KSR2: variants seen among roughly 807,000 people sequenced by gnomAD.
KSR2 encodes the protein kinase suppressor of ras 2.
A neutral mutation model predicts 107.8 loss-of-function variants in KSR2; 25 were observed. The ratio of observed to expected loss-of-function variants is 0.23; its 90% confidence interval spans 0.17 to 0.32. The LOEUF is 0.32. Among genes scored for constraint, KSR2 ranks in the 10% least tolerant of loss-of-function variants. The probability of loss-of-function intolerance (pLI) is 1.00; values close to 1 mark genes in which losing one functional copy is unlikely to be tolerated. For missense variants in KSR2, 887 were observed against 1,268.9 expected (o/e 0.70, Z 4.57); for synonymous variants, 480 against 507.0 (o/e 0.95, Z 0.71).
chr12:117,912,460 C>T (rs914815401), intron 1 of KSR2, among the ~76,000 whole-genome samples: 1 of 152,118 alleles, frequency 6.6e-6, no homozygotes, highest in Admixed American at 6.6e-5. Flanking sequence ...AGTAAAGAAC[C>T]GTGTTATAAT....
chr12:117,582,164 G>A (rs1297961598), intron 6 of KSR2, 126 bp downstream of exon 6: 2 of 729,810 alleles, frequency 2.7e-6, no homozygotes, highest in East Asian at 2.6e-5. Context: ...GAGGAGAAAG[G>A]GACATGGTGA....
At chr12:117,960,102 C>T (rs1896618065) in intron 1 of KSR2, among the ~76,000 whole-genome samples, 1 of 151,932 alleles carries the variant, frequency 6.6e-6, no homozygotes, top group Non-Finnish European at 1.5e-5. Flanking sequence ...TGTTCCCATC[C>T]AAGAAGTTTG....
At chr12:117,616,175 A>AC (rs397715113) in intron 5 of KSR2, among the ~76,000 whole-genome samples, 19 of 151,510 alleles carry the variant, frequency 1.3e-4, no homozygotes, top group Non-Finnish European at 2.8e-4. Flanking sequence ...AAAAAAAAAA[A>AC]CAGATTTTAA....
chr12:117,517,549 G>A (rs1026515564), intron 14 of KSR2, among the ~76,000 whole-genome samples: 1 of 152,156 alleles, frequency 6.6e-6, no homozygotes, highest in African/African-American at 2.4e-5. Flanking sequence ...CAAATCCTCT[G>A]CTGCTCATAG....
At chr12:117,834,563 C>G (rs896015576) in intron 3 of KSR2, among the ~76,000 whole-genome samples, 2 of 152,134 alleles carry the variant, frequency 1.3e-5, no homozygotes, top group African/African-American at 4.8e-5. Flanking sequence ...CAGGAGGCAA[C>G]AGGAGAAGCC....
intron 5 of KSR2, among the ~76,000 whole-genome samples, chr12:117,625,233 CA>C (rs36133468): frequency 0.9 from 136,364 of 152,088 alleles, 61,294 homozygotes; most frequent in East Asian, 0.99. Context: ...GAACTTCCAA[CA>C]CTATGTTGAA....
At position 117,815,581 on chromosome 12, in the gene KSR2, G is replaced by T. The variant is rs115759931; in HGVS notation, c.472+39847C>A. Among the ~76,000 whole-genome samples, 233 of 152,236 alleles carry T rather than the reference G, an allele frequency of 1.5e-3. 1 individual carries two copies. Among genetic ancestry groups the T allele is most frequent in the African/African-American group, 5.3e-3 (222 of 41,528 alleles). ...AATCATTATCTTCACAGAGCTTCTA[G>T]ACCAAGAATGTGAGTATTAAGTAAA... is the stretch of plus-strand genomic sequence containing the variant. On this transcript the variant is annotated intron_variant, in intron 3 of 19. Coordinates refer to ENST00000339824, the MANE Select transcript of KSR2 (RefSeq NM_173598.6).
At chr12:117,608,806 G>A (rs1881430518) in intron 5 of KSR2, among the ~76,000 whole-genome samples, 1 of 152,026 alleles carries the variant, frequency 6.6e-6, no homozygotes, top group Non-Finnish European at 1.5e-5. Flanking sequence ...TGAACAGCAT[G>A]AGGCCTCTGC....
intron 1 of KSR2, among the ~76,000 whole-genome samples, chr12:117,888,356 C>G (rs1566068235): frequency 6.6e-6 from 1 of 152,146 alleles, no homozygotes. Context: ...TACTCTATGA[C>G]TCCACCTACA....
chr12:117,632,204 C>T (rs904776022), intron 5 of KSR2, among the ~76,000 whole-genome samples: 1 of 146,006 alleles, frequency 6.8e-6, no homozygotes, highest in African/African-American at 2.5e-5. Flanking sequence ...ATGCTTATGG[C>T]TCTAGTCCTA....
Position 117,471,160 on chromosome 12 carries a change from C to A in KSR2, c.2712+31G>T, listed in dbSNP as rs145464359. ...TGACTGTGTCTGTGTCTCCCCTCAT[C>A]CCCCAAGTCTGGACCTATCTTGGGA... On this transcript the variant is annotated intron_variant, in intron 18 of 19. Transcript: ENST00000339824. 2.5e-6 allele frequency: 4 copies of A among 1,610,244 alleles called. No homozygotes were observed. The African/African-American group carries it at 4.0e-5, about 16-fold the overall frequency.
rs575401580 is a variant in KSR2, at chr12:117,591,742, G to A, written c.1172-9383C>T. On this transcript the variant is annotated intron_variant, in intron 5 of 19. Coordinates refer to ENST00000339824, the MANE Select transcript of KSR2 (RefSeq NM_173598.6). The stretch of plus-strand genomic sequence containing the variant: ...AAAAAAAAATGATGCAGTGGCTCAC[G>A]TCCGTAATCCCAGCACTTTGGGAGG... Among the ~76,000 whole-genome samples the A allele has an allele frequency of 6.7e-4, 102 of 151,594 alleles. 1 individual carries two copies. The South Asian group carries it at 0.02, about 30-fold the overall frequency.
chr12:117,701,350 C>T (rs1199342973), intron 4 of KSR2, among the ~76,000 whole-genome samples: 1 of 152,164 alleles, frequency 6.6e-6, no homozygotes, highest in African/African-American at 2.4e-5. Flanking sequence ...GCCTCAGACT[C>T]GCAAAGTGCG....
At chr12:117,767,887 A>G (rs1415326574) in intron 3 of KSR2, among the ~76,000 whole-genome samples, 2 of 151,894 alleles carry the variant, frequency 1.3e-5, no homozygotes. Flanking sequence ...GCTGAGAACT[A>G]AGGGCCGGTG....
intron 1 of KSR2, among the ~76,000 whole-genome samples, chr12:117,939,944 AACACACAC>A (rs10561468): frequency 0.015 from 2,041 of 140,124 alleles, 17 homozygotes; most frequent in Non-Finnish European, 0.016. Flanking sequence ...CCATCTTAAA[AACACACAC>A]ACACACACAC....
At chr12:117,875,333 A>ATT (rs56091034) in intron 1 of KSR2, among the ~76,000 whole-genome samples, 3,543 of 137,980 alleles carry the variant, frequency 0.026, 110 homozygotes, top group African/African-American at 0.071. Context: ...CTTAGGTGCT[A>ATT]TTTTTTTTTT....
chr12:117,667,551 A>G lies in KSR2; in HGVS notation c.1094T>C (p.Leu365Pro). The G allele has an allele frequency of 6.2e-7, 1 of 1,613,200 alleles. No individual in the cohort carries two copies. Among genetic ancestry groups the G allele is most frequent in the Non-Finnish European group, 8.5e-7 (1 of 1,179,682 alleles). The change falls in exon 5 of 20, where the codon CTC becomes CCC. Residue 365 changes from leucine to proline, a missense_variant. By Grantham distance (98) the Leu-to-Pro change is moderately conservative. Around this residue, in one of 8 missense-constraint regions of KSR2, gnomAD observed 399 missense variants for 479.5 expected, o/e 0.83. Transcript: ENST00000339824. The part of the protein sequence containing the change: ...QRSPLLSERS[L>P]RSFFVGHAPF... The stretch of plus-strand genomic sequence containing the variant: ...TGCGTGTCCCACAAAGAAGGAGCGG[A>G]GGGAGCGCTCGGACAGCAGCGGGGA...
chr12:117,740,550 A>G lies in KSR2; in HGVS notation c.986+20461T>C, dbSNP rs1408037520. 5.9e-5 allele frequency among the ~76,000 whole-genome samples: 8 copies of G among 135,344 alleles called. No homozygotes were observed. The East Asian group carries it at 1.7e-3, about 29-fold the overall frequency. The allele number at this position is 135,344 out of a possible 152,430, so 88.8% of individuals were successfully genotyped here. On this transcript the variant is annotated intron_variant, in intron 4 of 19. Transcript: ENST00000339824. ...CATATATTATATATGTAATATATGC[A>G]TATAATATATGAATATATAACATAT...
intron 12 of KSR2, among the ~76,000 whole-genome samples, chr12:117,527,350 C>CAG (rs1875265895): frequency 1.4e-5 from 1 of 73,238 alleles, no homozygotes; most frequent in Non-Finnish European, 2.7e-5. Context: ...CACACACAGA[C>CAG]ACACACACAC....
Sources: allele counts gnomAD v4.1 joint callset (sites outside exome capture counted in the v4.1 genomes callset), GRCh38; gene constraint gnomAD v4.1.1; regional missense constraint gnomAD v4.1.1; transcripts MANE v1.5; gene names NCBI Gene and HGNC (gene_info 2026-07-23, HGNC 2026-07-21).